Variants in SYN2 observed in about 807,000 individuals in gnomAD.
SYN2 encodes synapsin-2.
A neutral mutation model predicts 50.9 loss-of-function variants in SYN2; 19 were observed. The observed-to-expected ratio is 0.37, with a 90% CI of 0.26 to 0.55. The LOEUF (loss-of-function observed/expected upper bound fraction) is 0.55, where lower values mean the gene tolerates loss of function less well. SYN2 is among the 20% of genes least tolerant of loss of function. The pLI is 0.81. For synonymous variants in SYN2, 255 were observed against 224.9 expected (o/e 1.13, Z -1.20); for missense variants, 587 against 576.4 (o/e 1.02, Z -0.19).
At chr3:12,129,985 G>C (rs952652321) in intron 1 of SYN2, among the ~76,000 whole-genome samples, 2 of 152,158 alleles carry the variant, frequency 1.3e-5, no homozygotes, top group African/African-American at 4.8e-5. Flanking sequence ...TGAGGACACA[G>C]AGAAGGCAGC....
intron 10 of SYN2, among the ~76,000 whole-genome samples, chr3:12,179,228 G>A (rs1043374747): frequency 6.7e-6 from 1 of 148,298 alleles, no homozygotes; most frequent in East Asian, 2.0e-4. Context: ...GCTCCTGAAA[G>A]CCTATACCTG....
intron 1 of SYN2, among the ~76,000 whole-genome samples, chr3:12,126,835 A>C (rs528011870): frequency 1.3e-5 from 2 of 152,222 alleles, no homozygotes; most frequent in Admixed American, 6.5e-5. Context: ...TATTAATTTC[A>C]TTGCAGTTAT....
At chr3:12,057,929 G>A (rs769939460) in intron 1 of SYN2, among the ~76,000 whole-genome samples, 4 of 152,048 alleles carry the variant, frequency 2.6e-5, no homozygotes, top group South Asian at 2.1e-4. Flanking sequence ...GTATTTCATC[G>A]TGTGGTCCTC....
Position 12,162,133 on chromosome 3 carries a change from G to A in SYN2, c.959G>A (p.Gly320Asp). Residue 320 changes from glycine (G) to aspartate (D), a missense_variant, in exon 7 of 13, where the codon GGC becomes GAC. Gly to Asp is a moderately conservative substitution (Grantham distance 94). Coordinates refer to ENST00000621198, the MANE Select transcript of SYN2 (RefSeq NM_133625.6). ...SKYDIRVQKI[G>D]NNYKAYMRTS... ...TATGACATCCGGGTCCAGAAGATTG[G>A]CAACAACTACAAGGCTTACATGTGA... The A allele has an allele frequency of 6.2e-7, 1 of 1,614,094 alleles. No individual in the cohort carries two copies. The highest frequency in any genetic ancestry group is 1.3e-5 in the African/African-American group (1 of 75,016).
chr3:12,077,826 G>T (rs561205447), intron 1 of SYN2, among the ~76,000 whole-genome samples: 1 of 152,232 alleles, frequency 6.6e-6, no homozygotes, highest in Non-Finnish European at 1.5e-5. Context: ...ATTCCTTTGG[G>T]TATATACCCA....
At chr3:12,036,640 G>A (rs554961472) in intron 1 of SYN2, among the ~76,000 whole-genome samples, 1 of 152,234 alleles carries the variant, frequency 6.6e-6, no homozygotes, top group Non-Finnish European at 1.5e-5. Flanking sequence ...TGATGGGAGG[G>A]TGAAAATCTC....
intron 11 of SYN2, chr3:12,185,422 T>C (rs1431682349): frequency 1.0e-6 from 1 of 985,648 alleles, no homozygotes; most frequent in African/African-American, 1.7e-5. Flanking sequence ...TCAGTCAAGG[T>C]CTTTCAGGTG....
intron 1 of SYN2, among the ~76,000 whole-genome samples, chr3:12,061,253 T>G (rs1209575765): frequency 6.6e-6 from 1 of 152,092 alleles, no homozygotes; most frequent in African/African-American, 2.4e-5. Context: ...GTATAAGATG[T>G]GCAATTATAT....
At chr3:12,048,983 G>T (rs144585332) in intron 1 of SYN2, among the ~76,000 whole-genome samples, 1 of 152,166 alleles carries the variant, frequency 6.6e-6, no homozygotes, top group East Asian at 1.9e-4. Flanking sequence ...TCAGTTCTGT[G>T]TAAGATGAGA....
intron 1 of SYN2, among the ~76,000 whole-genome samples, chr3:12,108,679 G>A (rs766317185): frequency 3.2e-4 from 48 of 151,972 alleles, no homozygotes; most frequent in Non-Finnish European, 6.8e-4. Context: ...CTGTTACTAA[G>A]TCATCAGATT....
intron 10 of SYN2, among the ~76,000 whole-genome samples, chr3:12,170,499 C>T (rs1464094530): frequency 6.6e-6 from 1 of 152,190 alleles, no homozygotes; most frequent in Non-Finnish European, 1.5e-5. Context: ...CAACAGCATT[C>T]CAGCTGCGGG....
At chr3:12,014,096 A>T (rs1422393126) in intron 1 of SYN2, among the ~76,000 whole-genome samples, 1 of 152,184 alleles carries the variant, frequency 6.6e-6, no homozygotes, top group Non-Finnish European at 1.5e-5. Context: ...TACTGCAAGT[A>T]TCTTTATCTC....
chr3:12,073,880 A>T (rs1310575850), intron 1 of SYN2, among the ~76,000 whole-genome samples: 3 of 152,200 alleles, frequency 2.0e-5, no homozygotes, highest in Non-Finnish European at 2.9e-5. Flanking sequence ...ATTATATAAA[A>T]TATTCACATA....
chr3:12,032,526 C>T (rs1485080140), intron 1 of SYN2, among the ~76,000 whole-genome samples: 2 of 14,058 alleles, frequency 1.4e-4, no homozygotes, highest in African/African-American at 2.8e-4. Context: ...ACCAATCAGA[C>T]GTAGATTTGG....
chr3:12,153,227 G>GA, intron 5 of SYN2: 1 of 496,432 alleles, frequency 2.0e-6, no homozygotes, highest in Non-Finnish European at 3.7e-6. Context: ...TCCTGGGGAG[G>GA]AAAGGGAATA....
chr3:12,019,466 A>G (rs1157756681), intron 1 of SYN2, among the ~76,000 whole-genome samples: 5 of 152,236 alleles, frequency 3.3e-5, no homozygotes, highest in Middle Eastern at 3.2e-3. Flanking sequence ...TTTCAGCACT[A>G]TGATCAGAGG....
chr3:12,114,232 C>T (rs1466499337), intron 1 of SYN2, among the ~76,000 whole-genome samples: 2 of 151,640 alleles, frequency 1.3e-5, no homozygotes, highest in Non-Finnish European at 2.9e-5. Flanking sequence ...TGCTTCTTGG[C>T]TAGTTGGATG....
At chr3:12,163,001 G>A (rs1697690638) in intron 7 of SYN2, among the ~76,000 whole-genome samples, 1 of 152,182 alleles carries the variant, frequency 6.6e-6, no homozygotes, top group African/African-American at 2.4e-5. Flanking sequence ...AGCACTTTGG[G>A]AGGCCGAGGC....
At chr3:12,037,461 T>C (rs921053354) in intron 1 of SYN2, among the ~76,000 whole-genome samples, 3 of 152,234 alleles carry the variant, frequency 2.0e-5, no homozygotes, top group Non-Finnish European at 4.4e-5. Flanking sequence ...ATTATAGTTC[T>C]GAAGGCTAGG....
Sources: allele counts gnomAD v4.1 joint callset (sites outside exome capture counted in the v4.1 genomes callset), GRCh38; gene constraint gnomAD v4.1.1; transcripts MANE v1.5; gene names NCBI Gene and HGNC (gene_info 2026-07-23, HGNC 2026-07-21).